PPP2R2B: variants seen among roughly 807,000 people sequenced by gnomAD.
PPP2R2B encodes the protein serine/threonine-protein phosphatase 2A 55 kDa regulatory subunit B beta isoform.
PPP2R2B carries 5 observed loss-of-function variants against 46.0 expected under a neutral mutation model. The observed-to-expected ratio is 0.11, with a 90% confidence interval of 0.06 to 0.23. PPP2R2B has a LOEUF of 0.23. Among genes scored for constraint, PPP2R2B ranks in the 10% least tolerant of loss-of-function variants. The pLI, the probability that PPP2R2B is intolerant of heterozygous loss-of-function variation, is 1.00. For synonymous variants in PPP2R2B, 215 were observed against 206.7 expected (o/e 1.04, Z -0.34); for missense variants, 367 against 575.0 (o/e 0.64, Z 3.70).
chr5:146,957,867 C>T (rs751462180), intron 1 of PPP2R2B, among the ~76,000 whole-genome samples: 9 of 152,064 alleles, frequency 5.9e-5, no homozygotes, highest in South Asian at 2.1e-4. Context: ...TTCAGTCTCA[C>T]GTATATCACT....
intron 1 of PPP2R2B, among the ~76,000 whole-genome samples, chr5:146,966,984 C>G (rs1306006205): frequency 6.6e-6 from 1 of 152,118 alleles, no homozygotes; most frequent in Non-Finnish European, 1.5e-5. Context: ...TAATGCCATA[C>G]CTTATTTAAT....
chr5:146,786,231 T>C (rs115699657), intron 2 of PPP2R2B, among the ~76,000 whole-genome samples: 1,533 of 152,318 alleles, frequency 0.01, 29 homozygotes, highest in African/African-American at 0.035. Context: ...TAGAATACTA[T>C]TGAGAAGGAC....
At chr5:146,781,248 T>C (rs552228402) in intron 2 of PPP2R2B, among the ~76,000 whole-genome samples, 1 of 144,700 alleles carries the variant, frequency 6.9e-6, no homozygotes, top group Non-Finnish European at 1.5e-5. Context: ...AATCACATCA[T>C]AACAGTAGTG....
At position 147,055,915 on chromosome 5, in the gene PPP2R2B, C is replaced by T. The variant is rs973564925; in HGVS notation, c.-172G>A. 19 of 1,433,528 alleles carry T rather than the reference C, an allele frequency of 1.3e-5. No individual in the cohort carries two copies. The Admixed American group carries it at 1.6e-4, about 12-fold the overall frequency. The allele number at this position is 1,433,528 out of a possible 1,614,324, so 88.8% of individuals were successfully genotyped here. ...CTGGAGATGGGTCCCATTTTGCCATCAGCGCCAGGAAGCACTGCCTTACAT... is the reference window on the plus strand; with the variant it reads ...CTGGAGATGGGTCCCATTTTGCCATTAGCGCCAGGAAGCACTGCCTTACAT... On this transcript the variant is annotated 5_prime_UTR_variant, in exon 1 of 9. Coordinates refer to the PPP2R2B transcript ENST00000336640.
chr5:146,897,874 T>C (rs112784873), intron 1 of PPP2R2B, among the ~76,000 whole-genome samples: 2 of 152,060 alleles, frequency 1.3e-5, no homozygotes, highest in East Asian at 1.9e-4. Flanking sequence ...GGTTAAAATA[T>C]ACTGGTCAAG....
chr5:146,905,168 C>T (rs892186009), intron 1 of PPP2R2B, among the ~76,000 whole-genome samples: 7 of 152,104 alleles, frequency 4.6e-5, no homozygotes, highest in African/African-American at 1.4e-4. Context: ...GGACATGGAG[C>T]AATTGGGACT....
rs1308286306 is a variant in PPP2R2B at position 146,729,965 on chromosome 5, C to A, written c.71-28823G>T. Among the ~76,000 whole-genome samples, 4 of 152,192 alleles carry A rather than the reference C, an allele frequency of 2.6e-5. No individual in the cohort carries two copies. In the East Asian group the frequency reaches 7.7e-4, roughly 29 times the overall value. ...AGTGAAGCTGTGAAAAGAGGGCCAC[C>A]ATCCTCTAGACCCCATAATGGTAGA... On this transcript the variant is annotated intron_variant, in intron 2 of 9. Coordinates refer to ENST00000394411, the MANE Select transcript of PPP2R2B (RefSeq NM_181675.4).
intron 5 of PPP2R2B, among the ~76,000 whole-genome samples, chr5:146,667,323 C>T (rs949967680): frequency 6.8e-5 from 4 of 59,054 alleles, no homozygotes; most frequent in East Asian, 3.3e-4. Context: ...CAGGAATAGG[C>T]GTGCGCGCGC....
At chr5:147,049,100 A>ATG (rs146878580) in intron 1 of PPP2R2B, among the ~76,000 whole-genome samples, 32,870 of 115,934 alleles carry the variant, frequency 0.28, 3,896 homozygotes, top group South Asian at 0.34. Flanking sequence ...GGGAATGAGC[A>ATG]TGTGTGTGTG....
chr5:146,971,030 T>C (rs1161527280), intron 1 of PPP2R2B, among the ~76,000 whole-genome samples: 2 of 152,208 alleles, frequency 1.3e-5, no homozygotes, highest in Admixed American at 6.5e-5. Flanking sequence ...TTTAAAATTA[T>C]ATTTTGTTGT....
chr5:146,624,124 C>T (rs141158066), intron 7 of PPP2R2B, among the ~76,000 whole-genome samples: 82 of 152,280 alleles, frequency 5.4e-4, no homozygotes, highest in African/African-American at 1.9e-3. Context: ...CTGATTTCCT[C>T]AGCTGCAAAA....
intron 2 of PPP2R2B, among the ~76,000 whole-genome samples, chr5:146,860,426 C>A (rs546048275): frequency 1.3e-5 from 2 of 152,142 alleles, no homozygotes; most frequent in East Asian, 3.9e-4. Flanking sequence ...GGAAATCAAG[C>A]CTTTGACACA....
At chr5:147,015,878 T>A (rs903123596) in intron 1 of PPP2R2B, among the ~76,000 whole-genome samples, 2 of 151,488 alleles carry the variant, frequency 1.3e-5, no homozygotes, top group African/African-American at 4.8e-5. Flanking sequence ...AAATGATATC[T>A]ATTTTCAGTA....
chr5:146,659,318 T>A (rs899302433), intron 5 of PPP2R2B, among the ~76,000 whole-genome samples: 2 of 152,202 alleles, frequency 1.3e-5, no homozygotes, highest in Non-Finnish European at 2.9e-5. Context: ...GTTACCTACT[T>A]TAAAAAGCTC....
At chr5:146,879,360 T>C (rs1361697345), upstream of PPP2R2B, among the ~76,000 whole-genome samples, 2 of 152,158 alleles carry the variant, frequency 1.3e-5, no homozygotes, top group African/African-American at 4.8e-5. Flanking sequence ...AGCATCTGTG[T>C]CTACACAGGT....
At chr5:146,801,847 A>G (rs1756885999) in intron 2 of PPP2R2B, among the ~76,000 whole-genome samples, 1 of 152,218 alleles carries the variant, frequency 6.6e-6, no homozygotes, top group South Asian at 2.1e-4. Context: ...ACAAATTATA[A>G]TTGCAATAAC....
intron 2 of PPP2R2B, among the ~76,000 whole-genome samples, chr5:146,774,030 G>A (rs1213262374): frequency 6.6e-6 from 1 of 152,158 alleles, no homozygotes; most frequent in Non-Finnish European, 1.5e-5. Flanking sequence ...AAACAAGAGA[G>A]AAAACTGTAT....
At chr5:146,688,923 G>A (rs1046114099) in intron 5 of PPP2R2B, among the ~76,000 whole-genome samples, 4 of 152,128 alleles carry the variant, frequency 2.6e-5, no homozygotes, top group Non-Finnish European at 4.4e-5. Flanking sequence ...TTCTCCATAA[G>A]ATTGCCATGT....
chr5:147,001,400 G>GACAC lies in PPP2R2B; in HGVS notation c.79+54261_79+54264dup, dbSNP rs539090114. Among the ~76,000 whole-genome samples, 1,122 of 152,066 alleles carry GACAC rather than the reference G, an allele frequency of 7.4e-3. 12 individuals are homozygous for GACAC. The highest frequency in any genetic ancestry group is 0.026 in the African/African-American group (1,073 of 41,448). ...CCACCAGGAGGAAGAAACAACTCCA[G>GACAC]ACACGCCATCTTTAAGAGCTGTAAC... On this transcript the variant is annotated intron_variant, in intron 1 of 8. Coordinates refer to the PPP2R2B transcript ENST00000336640.
Sources: gnomAD v4.1 joint callset for allele counts (sites outside exome capture counted in the v4.1 genomes callset) on GRCh38, gnomAD v4.1.1 for gene constraint, MANE v1.5 for transcripts, NCBI Gene and HGNC (gene_info 2026-07-23, HGNC 2026-07-21) for gene names.